The following DLGAP2 variants were observed in gnomAD, a reference collection of about 807,000 sequenced individuals.
The protein encoded by DLGAP2 is disks large-associated protein 2.
DLGAP2 carries 26 observed loss-of-function variants against 100.3 expected under a neutral mutation model. The observed-to-expected ratio is 0.26, with a 90% CI of 0.19 to 0.36. The LOEUF is 0.36. Among genes scored for constraint, DLGAP2 ranks in the 10% least tolerant of loss-of-function variants. The pLI, the probability that DLGAP2 is intolerant of heterozygous loss-of-function variation, is 1.00. For missense variants in DLGAP2, 1,858 were observed against 1,453.2 expected (o/e 1.28, Z -4.53); for synonymous variants, 886 against 630.1 (o/e 1.41, Z -6.08).
chr8:1,578,489 T>C (rs1233976056), intron 6 of DLGAP2, among the ~76,000 whole-genome samples: 1 of 152,152 alleles, frequency 6.6e-6, no homozygotes, highest in Admixed American at 6.5e-5. Context: ...GGAAGAAGGT[T>C]GGGTCTTTAA....
chr8:1,436,090 T>C (rs1797615423), intron 3 of DLGAP2, among the ~76,000 whole-genome samples: 1 of 152,024 alleles, frequency 6.6e-6, no homozygotes, highest in African/African-American at 2.4e-5. Context: ...AGGATAGGTG[T>C]ATATATGAAA....
At chr8:1,589,549 C>T (rs551798542) in intron 6 of DLGAP2, among the ~76,000 whole-genome samples, 2 of 152,148 alleles carry the variant, frequency 1.3e-5, no homozygotes, top group Non-Finnish European at 2.9e-5. Context: ...ATCCTCTCAC[C>T]GCAGCCTCCC....
intron 2 of DLGAP2, among the ~76,000 whole-genome samples, chr8:1,058,258 C>G (rs1802943385): frequency 6.6e-6 from 1 of 152,108 alleles, no homozygotes; most frequent in Admixed American, 6.6e-5. Flanking sequence ...TAAAGACCTT[C>G]TTTTGGAGAT....
chr8:897,553 C>A (rs1160252487), intron 1 of DLGAP2, among the ~76,000 whole-genome samples: 1 of 152,172 alleles, frequency 6.6e-6, no homozygotes, highest in East Asian at 1.9e-4. Flanking sequence ...ACATGGGCGC[C>A]CGGTAAGAAG....
intron 3 of DLGAP2, among the ~76,000 whole-genome samples, chr8:1,489,741 C>T (rs1334568484): frequency 2.0e-5 from 3 of 152,224 alleles, no homozygotes; most frequent in African/African-American, 7.2e-5. Context: ...ACTCAGATCA[C>T]AAACCGCATC....
chr8:828,942 A>G (rs1289840197), intron 1 of DLGAP2, among the ~76,000 whole-genome samples: 1 of 152,208 alleles, frequency 6.6e-6, no homozygotes, highest in African/African-American at 2.4e-5. Context: ...CTCTGTATTA[A>G]AACATATTAT....
At chr8:1,343,699 C>T (rs1801471516) in intron 3 of DLGAP2, among the ~76,000 whole-genome samples, 1 of 129,776 alleles carries the variant, frequency 7.7e-6, no homozygotes, top group Non-Finnish European at 1.7e-5. Context: ...CAGTTTGCAT[C>T]TGGGGGGTCG....
chr8:1,198,350 G>T (rs184616649), intron 2 of DLGAP2, among the ~76,000 whole-genome samples: 8 of 152,176 alleles, frequency 5.3e-5, no homozygotes, highest in Admixed American at 6.5e-5. Context: ...CAACAGCTTC[G>T]TCGTGGGGCG....
chr8:1,476,918 T>C (rs754410385), intron 3 of DLGAP2, among the ~76,000 whole-genome samples: 6 of 151,720 alleles, frequency 4.0e-5, no homozygotes, highest in Non-Finnish European at 7.4e-5. Context: ...CCGTGATGGC[T>C]GAGTGCTGTC....
intron 2 of DLGAP2, among the ~76,000 whole-genome samples, chr8:921,039 G>A (rs1234914115): frequency 1.3e-5 from 2 of 152,168 alleles, no homozygotes; most frequent in African/African-American, 4.8e-5. Context: ...GTTTACCTAA[G>A]TGTACATTTC....
At chr8:1,236,289 C>T (rs1446686590) in intron 2 of DLGAP2, among the ~76,000 whole-genome samples, 272 of 36,790 alleles carry the variant, frequency 7.4e-3, no homozygotes, top group Non-Finnish European at 8.3e-3. Flanking sequence ...TCTCACATGG[C>T]GCCGTGTCTA....
rs1039987249 is a variant in DLGAP2, at chr8:1,705,090, G to C, written c.*3684G>C. 5 of 152,266 alleles carry C rather than the reference G, an allele frequency of 3.3e-5. No individual in the cohort carries two copies. The highest frequency in any genetic ancestry group is 3.3e-4 in the Admixed American group (5 of 15,274). 9.4% of individuals were successfully genotyped at this position (152,266 alleles called of 1,614,324 possible). ...GATGGAATTTCACAGGAAAGTGAAG[G>C]GATACTGCAGGCCTGTGTTTGCAGC... On this transcript the variant is annotated 3_prime_UTR_variant, in exon 15 of 15. Coordinates refer to ENST00000637795, the MANE Select transcript of DLGAP2 (RefSeq NM_001346810.2).
rs891146806 is a variant in DLGAP2, at chr8:1,691,583, C to G, written c.2753C>G (p.Ser918Cys). ...SAVGSAQLLM[S>C]QKFQQFYWLC... is the part of the protein sequence containing the mutation. ...GTTGGGAGTGCCCAGCTTCTCATGT[C>G]CCAGAAATTCCAGCAGTTTTATTGG... The change falls in exon 13 of 15, where the codon TCC becomes TGC. Residue 918 changes from serine (S) to cysteine (C), a missense_variant. Physicochemically the swap from Ser to Cys is moderately radical, Grantham distance 112 (BLOSUM62 -1). Coordinates refer to ENST00000637795, the MANE Select transcript of DLGAP2 (RefSeq NM_001346810.2). The G allele has an allele frequency of 3.7e-6, 6 of 1,613,932 alleles. No homozygotes were observed. Among genetic ancestry groups the G allele is most frequent in the Non-Finnish European group, 3.4e-6 (4 of 1,179,982 alleles).
intron 2 of DLGAP2, among the ~76,000 whole-genome samples, chr8:1,039,282 C>T (rs909532108): frequency 7.5e-6 from 1 of 134,018 alleles, no homozygotes; most frequent in Non-Finnish European, 1.6e-5. Context: ...GGCTCGGTTT[C>T]CATGGTCGGC....
intron 3 of DLGAP2, among the ~76,000 whole-genome samples, chr8:1,260,518 T>C (rs922562547): frequency 2.0e-5 from 3 of 151,954 alleles, no homozygotes; most frequent in Admixed American, 6.6e-5. Context: ...CCAGTAAATC[T>C]GAATCCATGA....
chr8:889,476 C>T (rs1480846284), intron 1 of DLGAP2, among the ~76,000 whole-genome samples: 3 of 152,156 alleles, frequency 2.0e-5, no homozygotes, highest in Non-Finnish European at 2.9e-5. Context: ...GGGTCTGTCC[C>T]TGAGCTTCTG....
rs894039536 is a variant in DLGAP2, at chr8:1,267,536, G to C, written c.106+8653G>C. Among the ~76,000 whole-genome samples, 10 of 144,818 alleles carry C rather than the reference G, an allele frequency of 6.9e-5. 1 individual carries two copies. The highest frequency in any genetic ancestry group is 1.2e-4 in the Non-Finnish European group (8 of 67,132). ...ATTGTGCCACTGCACTCCAGCCTGG[G>C]AGACAGAGCAAAATTCCCGCTCAAA... On this transcript the variant is annotated intron_variant, in intron 3 of 14. Transcript: ENST00000637795.
intron 11 of DLGAP2, among the ~76,000 whole-genome samples, chr8:1,677,767 T>C (rs1316683139): frequency 6.6e-6 from 1 of 152,222 alleles, no homozygotes; most frequent in Admixed American, 6.5e-5. Flanking sequence ...ACATATTAAA[T>C]TATCCAGACA....
intron 2 of DLGAP2, among the ~76,000 whole-genome samples, chr8:1,058,188 C>T (rs539461241): frequency 2.3e-3 from 354 of 152,152 alleles, no homozygotes; most frequent in Non-Finnish European, 4.1e-3. Context: ...GATTGACTAG[C>T]GGCGGGTCTG....
Sources: gnomAD v4.1 joint callset for allele counts (sites outside exome capture counted in the v4.1 genomes callset) on GRCh38, gnomAD v4.1.1 for gene constraint, MANE v1.5 for transcripts, NCBI Gene and HGNC (gene_info 2026-07-23, HGNC 2026-07-21) for gene names.